DIP2C: variants seen among roughly 807,000 people sequenced by gnomAD.
DIP2C encodes DIP2 acetate--CoA ligase C (putative).
A neutral mutation model predicts 192.4 loss-of-function variants in DIP2C; 33 were observed. The ratio of observed to expected loss-of-function variants is 0.17; its 90% confidence interval spans 0.13 to 0.23. The LOEUF (loss-of-function observed/expected upper bound fraction) is 0.23. Among genes scored for constraint, DIP2C ranks in the 10% least tolerant of loss-of-function variants. The pLI, the probability that DIP2C is intolerant of heterozygous loss-of-function variation, is 1.00. For synonymous variants in DIP2C, 979 were observed against 864.1 expected (o/e 1.13, Z -2.33); for missense variants, 1,537 against 2,110.1 (o/e 0.73, Z 5.32).
At chr10:499,370 C>T (rs935496577) in intron 1 of DIP2C, among the ~76,000 whole-genome samples, 1 of 152,178 alleles carries the variant, frequency 6.6e-6, no homozygotes, top group African/African-American at 2.4e-5. Context: ...TTTCACGCTG[C>T]TATAAAGAAC....
chr10:529,458 C>T (rs1234590511), intron 1 of DIP2C, among the ~76,000 whole-genome samples: 1 of 140,924 alleles, frequency 7.1e-6, no homozygotes, highest in Admixed American at 7.5e-5. Context: ...CTTCGTTTTC[C>T]GTCCTTAAAA....
intron 1 of DIP2C, among the ~76,000 whole-genome samples, chr10:584,423 CCACAACCTGACCCCCACTCACG>C (rs1850869136): frequency 1.3e-5 from 2 of 151,052 alleles, no homozygotes; most frequent in Non-Finnish European, 1.5e-5. Context: ...ATCTCGGGGC[CCACAACCTGACCCCCACTCACG>C]CGCATCACCT....
At chr10:329,921 T>C (rs558661823) in intron 29 of DIP2C, among the ~76,000 whole-genome samples, 3 of 151,948 alleles carry the variant, frequency 2.0e-5, no homozygotes, top group Admixed American at 1.3e-4. Context: ...TCTTTCTTAG[T>C]AGAAAACACA....
Position 363,112 on chromosome 10 carries a change from C to T in DIP2C, c.2592+85G>A, listed in dbSNP as rs1959733548. On this transcript the variant is annotated intron_variant, in intron 21 of 36. Coordinates refer to ENST00000280886, the MANE Select transcript of DIP2C (RefSeq NM_014974.3). The surrounding 1 kb of genome is among the most constrained non-coding windows in gnomAD (Gnocchi z 5.4). ...AAGGGCCACCCCATGGGCAAAGCAACAGCTGGTCACACCATGATCTGAATG... is the reference window on the plus strand; with the variant it reads ...AAGGGCCACCCCATGGGCAAAGCAATAGCTGGTCACACCATGATCTGAATG... 6 of 1,255,932 alleles carry T rather than the reference C, an allele frequency of 4.8e-6. No homozygotes were observed. The highest frequency in any genetic ancestry group is 1.5e-5 in the African/African-American group (1 of 67,098). 77.8% of individuals were successfully genotyped at this position (1,255,932 alleles called of 1,614,324 possible).
intron 29 of DIP2C, among the ~76,000 whole-genome samples, chr10:340,275 T>A (rs1199723059): frequency 6.6e-6 from 1 of 152,060 alleles, no homozygotes; most frequent in Non-Finnish European, 1.5e-5. Flanking sequence ...TATTAACATA[T>A]ATTTATTCAT....
At chr10:448,076 T>C (rs1200675710) in intron 3 of DIP2C, among the ~76,000 whole-genome samples, 9 of 129,046 alleles carry the variant, frequency 7.0e-5, no homozygotes, top group African/African-American at 3.5e-4. Context: ...TCCCCGTCTA[T>C]ACTCAGGATC....
At chr10:590,494 G>A (rs538341753) in intron 1 of DIP2C, among the ~76,000 whole-genome samples, 1 of 152,252 alleles carries the variant, frequency 6.6e-6, no homozygotes, top group South Asian at 2.1e-4. Flanking sequence ...GGTATCTTAC[G>A]GCATATCGAC....
At chr10:383,887 G>C in intron 16 of DIP2C, 140 bp downstream of exon 16, 1 of 1,211,748 alleles carries the variant, frequency 8.3e-7, no homozygotes, top group Non-Finnish European at 1.1e-6. Flanking sequence ...ATAAGGATTA[G>C]AAAAAGAAAA....
chr10:659,147 T>C (rs972108787), intron 1 of DIP2C, among the ~76,000 whole-genome samples: 24 of 152,204 alleles, frequency 1.6e-4, no homozygotes, highest in African/African-American at 1.2e-4. Flanking sequence ...CATATGTAAA[T>C]GCATACACAT....
At chr10:545,947 C>A (rs577932056) in intron 1 of DIP2C, among the ~76,000 whole-genome samples, 2 of 152,292 alleles carry the variant, frequency 1.3e-5, no homozygotes, top group African/African-American at 4.8e-5. Context: ...TTTTGGGTCT[C>A]AGGAACCCTT....
intron 29 of DIP2C, among the ~76,000 whole-genome samples, chr10:335,696 G>A (rs942584030): frequency 2.6e-5 from 4 of 152,180 alleles, no homozygotes; most frequent in Non-Finnish European, 5.9e-5. Context: ...CATCCCACCC[G>A]CTGTGTGCTA....
At chr10:477,034 G>A (rs770473824) in intron 2 of DIP2C, among the ~76,000 whole-genome samples, 24 of 148,694 alleles carry the variant, frequency 1.6e-4, no homozygotes, top group Non-Finnish European at 2.8e-4. Context: ...AAACGTCAGT[G>A]ACATTTTTAC....
intron 1 of DIP2C, among the ~76,000 whole-genome samples, chr10:605,959 G>C (rs1201042306): frequency 1.3e-5 from 2 of 152,168 alleles, no homozygotes; most frequent in African/African-American, 4.8e-5. Flanking sequence ...CCATCTGAAA[G>C]GTCCCACTTG....
At chr10:437,649 G>C (rs755730712) in intron 4 of DIP2C, 1 of 152,146 alleles carries the variant, frequency 6.6e-6, no homozygotes, top group Non-Finnish European at 1.5e-5. Flanking sequence ...TTATGGCAGA[G>C]GTGTGATTTG....
intron 29 of DIP2C, among the ~76,000 whole-genome samples, chr10:337,067 TGTGTGTTGTGGAGGCCTAGACTG>T (rs1957834059): frequency 8.6e-6 from 1 of 116,708 alleles, no homozygotes; most frequent in South Asian, 3.1e-4. Context: ...TGTGTGTGTG[TGTGTGTTGTGGAGGCCTAGACTG>T]GTGTGTGTGT....
intron 2 of DIP2C, among the ~76,000 whole-genome samples, chr10:473,294 A>G (rs1392374185): frequency 6.6e-6 from 1 of 152,234 alleles, no homozygotes; most frequent in Non-Finnish European, 1.5e-5. Flanking sequence ...AAGGAAGGAC[A>G]TCATCATCAC....
intron 1 of DIP2C, among the ~76,000 whole-genome samples, chr10:503,051 C>G (rs1049889042): frequency 2.0e-5 from 3 of 151,208 alleles, no homozygotes; most frequent in Admixed American, 2.0e-4. Context: ...GCGGACTTAC[C>G]ACAATTCCAA....
chr10:462,490 T>G (rs550091033), intron 3 of DIP2C, among the ~76,000 whole-genome samples: 1 of 152,178 alleles, frequency 6.6e-6, no homozygotes, highest in Non-Finnish European at 1.5e-5. Context: ...GCTGAATCCC[T>G]GAATAGACCA....
intron 32 of DIP2C, among the ~76,000 whole-genome samples, chr10:303,091 A>G (rs1956128610): frequency 6.6e-6 from 1 of 152,254 alleles, no homozygotes; most frequent in South Asian, 2.1e-4. Context: ...AAGCTAAGAC[A>G]TCACCGCACG....
Sources: allele counts gnomAD v4.1 joint callset (sites outside exome capture counted in the v4.1 genomes callset), GRCh38; gene constraint gnomAD v4.1.1; non-coding constraint Gnocchi (gnomAD v3.1); transcripts MANE v1.5; gene names NCBI Gene and HGNC (gene_info 2026-07-23, HGNC 2026-07-21).